Variants in CSMD1 observed in about 807,000 individuals in gnomAD.
CSMD1 encodes the protein CUB and Sushi multiple domains 1.
Under a neutral mutation model 417.5 loss-of-function variants are expected in CSMD1, and 213 were observed. The observed-to-expected ratio is 0.51, with a 90% CI of 0.46 to 0.57. CSMD1 has a LOEUF of 0.57. CSMD1 is among the 20% of genes least tolerant of loss of function. CSMD1 has a pLI of 0.00. For synonymous variants in CSMD1, 2,862 were observed against 1,736.8 expected, an observed-to-expected ratio of 1.65 and a Z score of -16.11; for missense variants, 6,923 against 4,529.7, an observed-to-expected ratio of 1.53 and a Z score of -15.17.
intron 23 of CSMD1, among the ~76,000 whole-genome samples, chr8:3,314,793 C>G (rs962968518): frequency 6.6e-6 from 1 of 152,168 alleles, no homozygotes; most frequent in Admixed American, 6.5e-5. Context: ...TTGCTTTTAG[C>G]TTTCAAGTAT....
intron 3 of CSMD1, among the ~76,000 whole-genome samples, chr8:4,163,849 C>T (rs972636473): frequency 3.3e-5 from 5 of 152,140 alleles, no homozygotes. Context: ...TCAAAAATTA[C>T]TACTCTAAAT....
At chr8:3,559,323 C>T (rs1177808348) in intron 10 of CSMD1, among the ~76,000 whole-genome samples, 1 of 152,178 alleles carries the variant, frequency 6.6e-6, no homozygotes, top group Non-Finnish European at 1.5e-5. Context: ...TTTGTGATTT[C>T]AAAGACTAGG....
rs548586742 is a variant in CSMD1, at chr8:4,838,483, A to C, written c.85+155849T>G. Among the ~76,000 whole-genome samples, 5 of 152,362 alleles carry C rather than the reference A, an allele frequency of 3.3e-5. No homozygotes were observed. In the East Asian group the frequency reaches 7.7e-4, roughly 24 times the overall value. On this transcript the variant is annotated intron_variant, in intron 1 of 69. Coordinates refer to ENST00000635120, the MANE Select transcript of CSMD1 (RefSeq NM_033225.6). ...AACTGCCCTGATGAAGATGCTTCAAACAAATGTGATTCTGTCTCATAACTT... is the reference window on the plus strand; with the variant it reads ...AACTGCCCTGATGAAGATGCTTCAACCAAATGTGATTCTGTCTCATAACTT...
chr8:3,276,502 T>A (rs1406748049), intron 26 of CSMD1, among the ~76,000 whole-genome samples: 1 of 152,134 alleles, frequency 6.6e-6, no homozygotes, highest in Non-Finnish European at 1.5e-5. Flanking sequence ...CCATGAGATC[T>A]CATGAGTCTT....
At chr8:4,198,318 G>T (rs926510166) in intron 3 of CSMD1, among the ~76,000 whole-genome samples, 5 of 152,262 alleles carry the variant, frequency 3.3e-5, no homozygotes, top group Non-Finnish European at 7.3e-5. Flanking sequence ...TGGCAAGCCC[G>T]ACAAGAGTAC....
At chr8:3,297,425 A>G (rs1005152120) in intron 25 of CSMD1, among the ~76,000 whole-genome samples, 2 of 152,238 alleles carry the variant, frequency 1.3e-5, no homozygotes, top group African/African-American at 2.4e-5. Flanking sequence ...AAGATGTATT[A>G]TAAAGTAAAT....
At chr8:3,721,186 C>G (rs1202658580) in intron 6 of CSMD1, among the ~76,000 whole-genome samples, 1 of 152,034 alleles carries the variant, frequency 6.6e-6, no homozygotes, top group Non-Finnish European at 1.5e-5. Context: ...TTTTCTCCAG[C>G]CTCTGCGTGA....
In CSMD1 at chr8:4,994,730, G is replaced by C; in HGVS notation, c.-314C>G. 3.0e-6 allele frequency: 1 copy of C among 330,668 alleles called. No homozygotes were observed. Among genetic ancestry groups the C allele is most frequent in the Non-Finnish European group, 5.5e-6 (1 of 180,352 alleles). The allele number at this position is 330,668 out of a possible 1,614,324, so 20.5% of individuals were successfully genotyped here. A position where few individuals can be genotyped will look rare whatever the true frequency, so the allele number is the denominator to read the frequency against. On this transcript the variant is annotated 5_prime_UTR_variant, in exon 1 of 70. Coordinates refer to ENST00000635120, the MANE Select transcript of CSMD1 (RefSeq NM_033225.6). ...CAAGGCGGCGAGGCTGCGGGAGGGG[G>C]AGAAGCGGGGAGAGGAGCGCGCGCA...
chr8:4,663,027 T>A (rs1003399350), intron 1 of CSMD1, among the ~76,000 whole-genome samples: 3 of 152,160 alleles, frequency 2.0e-5, no homozygotes, highest in Non-Finnish European at 4.4e-5. Context: ...CCCTGAAAAA[T>A]CTCTGTTCCA....
intron 2 of CSMD1, among the ~76,000 whole-genome samples, chr8:4,468,968 T>C (rs1317509454): frequency 2.0e-5 from 3 of 152,122 alleles, no homozygotes; most frequent in Non-Finnish European, 2.9e-5. Flanking sequence ...AAGAGCATGA[T>C]GTGAGATGGG....
chr8:4,566,646 C>G (rs562361033), intron 2 of CSMD1, among the ~76,000 whole-genome samples: 249 of 86,318 alleles, frequency 2.9e-3, no homozygotes, highest in Non-Finnish European at 4.3e-3. Flanking sequence ...GAGGGAGACT[C>G]TGACTCAAAA....
intron 5 of CSMD1, among the ~76,000 whole-genome samples, chr8:3,881,839 G>A (rs554371140): frequency 3.9e-5 from 6 of 152,024 alleles, no homozygotes; most frequent in Non-Finnish European, 8.8e-5. Context: ...AATCCACACT[G>A]CTCAGGGCAA....
intron 26 of CSMD1, among the ~76,000 whole-genome samples, chr8:3,257,199 C>A (rs943338575): frequency 5.9e-5 from 9 of 152,148 alleles, no homozygotes; most frequent in Admixed American, 2.0e-4. Context: ...GTGCATCCAT[C>A]TGTAATCCCA....
At chr8:3,708,946 T>G (rs1230710193) in intron 6 of CSMD1, among the ~76,000 whole-genome samples, 2 of 152,104 alleles carry the variant, frequency 1.3e-5, no homozygotes. Flanking sequence ...TTACTCACAG[T>G]TTAGCGAATC....
In CSMD1 at chr8:3,241,059, G is replaced by A. The variant is rs1373155235; in HGVS notation, c.4154-10828C>T. Among the ~76,000 whole-genome samples, 82 of 148,700 alleles carry A rather than the reference G, an allele frequency of 5.5e-4. 1 individual carries two copies. Among genetic ancestry groups the A allele is most frequent in the Admixed American group, 5.7e-4 (8 of 14,112 alleles). Reference sequence around the variant, plus strand: ...GAGTAGAGGTATCTCATACTTGTGGGTTAAGGTGAGGGGATACAAGAGGAG... The same window carrying A: ...GAGTAGAGGTATCTCATACTTGTGGATTAAGGTGAGGGGATACAAGAGGAG... On this transcript the variant is annotated intron_variant, in intron 26 of 69. Coordinates refer to ENST00000635120, the MANE Select transcript of CSMD1 (RefSeq NM_033225.6).
At chr8:4,152,930 ATCC>A (rs1037284734) in intron 3 of CSMD1, among the ~76,000 whole-genome samples, 4 of 152,184 alleles carry the variant, frequency 2.6e-5, no homozygotes, top group African/African-American at 9.6e-5. Context: ...TGTATACTCT[ATCC>A]TCTTCTCAAA....
chr8:4,445,108 A>G (rs955076458), intron 2 of CSMD1, among the ~76,000 whole-genome samples: 1 of 152,244 alleles, frequency 6.6e-6, no homozygotes, highest in African/African-American at 2.4e-5. Context: ...ACAACAAAAA[A>G]AGTATGACTG....
At chr8:3,777,456 G>C (rs1019000963) in intron 5 of CSMD1, among the ~76,000 whole-genome samples, 5 of 152,298 alleles carry the variant, frequency 3.3e-5, no homozygotes, top group Non-Finnish European at 7.4e-5. Context: ...AAAGGGAGCA[G>C]TGCTCATTCT....
chr8:4,141,481 C>T (rs1803786671), intron 3 of CSMD1, among the ~76,000 whole-genome samples: 1 of 151,078 alleles, frequency 6.6e-6, no homozygotes, highest in Non-Finnish European at 1.5e-5. Context: ...TACAATATGC[C>T]ATTTGGTCTT....
Sources: allele counts gnomAD v4.1 joint callset (sites outside exome capture counted in the v4.1 genomes callset), GRCh38; gene constraint gnomAD v4.1.1; transcripts MANE v1.5; gene names NCBI Gene and HGNC (gene_info 2026-07-23, HGNC 2026-07-21).